The following ALDH1L1 variants were observed in gnomAD, a reference collection of about 807,000 sequenced individuals.
ALDH1L1 encodes the protein aldehyde dehydrogenase 1 family member L1.
In ALDH1L1, 68 loss-of-function variants were observed where a neutral mutation model predicts 101.1. The ratio of observed to expected loss-of-function variants is 0.67; its 90% confidence interval spans 0.55 to 0.82. ALDH1L1 has a LOEUF of 0.82. Among genes scored for constraint, ALDH1L1 ranks in the 40% least tolerant of loss-of-function variants. The pLI, the probability that ALDH1L1 is intolerant of heterozygous loss-of-function variation, is 0.00. For missense variants in ALDH1L1, 1,087 were observed against 1,172.7 expected, an observed-to-expected ratio of 0.93 and a Z score of 1.07; for synonymous variants, 486 against 470.8, an observed-to-expected ratio of 1.03 and a Z score of -0.42.
In ALDH1L1 at chr3:126,118,075, AG is replaced by A; in HGVS notation, c.1911del (p.Ser638GlnfsTer6). ...PGSGSLVGQRLSDHPDVRKIG... is the reference protein window; with the variant it reads ...PGSGSLVGQRXSDHPDVRKIG... ...ATTTTCCTCACATCAGGATGGTCTG[AG>A]AGTCTCTGGCCGACCAGGGAGCCTG... On this transcript the variant is annotated frameshift_variant, in exon 17 of 23. Transcript: ENST00000393434. LOFTEE classifies it high-confidence loss of function. The A allele has an allele frequency of 6.2e-7, 1 of 1,613,510 alleles. No homozygotes were observed. Among genetic ancestry groups the A allele is most frequent in the Non-Finnish European group, 8.5e-7 (1 of 1,179,734 alleles).
intron 12 of ALDH1L1, among the ~76,000 whole-genome samples, chr3:126,134,130 C>A (rs1040462698): frequency 1.3e-5 from 2 of 152,158 alleles, no homozygotes; most frequent in African/African-American, 4.8e-5. Flanking sequence ...TATCTGGGAG[C>A]TCCTGAACTG....
upstream of ALDH1L1, among the ~76,000 whole-genome samples, chr3:126,185,226 C>T (rs2081507170): frequency 6.6e-6 from 1 of 152,218 alleles, no homozygotes; most frequent in Non-Finnish European, 1.5e-5. Context: ...CAGCCCCATG[C>T]CAAATCTAAC....
chr3:126,159,110 G>A (rs939207503), intron 2 of ALDH1L1, among the ~76,000 whole-genome samples: 3 of 152,176 alleles, frequency 2.0e-5, no homozygotes, highest in Non-Finnish European at 4.4e-5. Context: ...TGTCCTGTGA[G>A]CCTCCCCCAG....
intron 12 of ALDH1L1, among the ~76,000 whole-genome samples, chr3:126,133,811 C>G (rs575472518): frequency 6.6e-6 from 1 of 152,204 alleles, no homozygotes; most frequent in Non-Finnish European, 1.5e-5. Flanking sequence ...GCAGCCTGGA[C>G]CACCGTCAGA....
rs2081036216 is a variant in ALDH1L1, at chr3:126,160,970, C to T, written c.10G>A (p.Ala4Thr). MKI[A>T]VIGQSLFGQE... The stretch of plus-strand genomic sequence containing the variant: ...CCAAACAGGCTCTGTCCAATCACTG[C>T]AATCTTCATGGTAGCAGGAGGGTTG... The change falls in exon 2 of 23, where the codon GCA becomes ACA. Residue 4 changes from alanine to threonine, a missense_variant. By Grantham distance (58) the Ala-to-Thr change is moderately conservative. This residue lies in a region of ALDH1L1 where 645 missense variants were observed against 637.0 expected (regional missense o/e 1.01). Coordinates refer to ENST00000393434, the MANE Select transcript of ALDH1L1 (RefSeq NM_012190.4). 2 of 1,614,214 alleles carry T rather than the reference C, an allele frequency of 1.2e-6. No individual in the cohort carries two copies. The highest frequency in any genetic ancestry group is 1.7e-6 in the Non-Finnish European group (2 of 1,180,032).
upstream of ALDH1L1, chr3:126,181,105 CGA>C (rs1576507227): frequency 8.8e-7 from 1 of 1,132,876 alleles, no homozygotes; most frequent in Non-Finnish European, 1.3e-6. Flanking sequence ...CCCGCCTCTC[CGA>C]GAGAAAAACA....
chr3:126,164,804 A>G (rs1414802995), intron 1 of ALDH1L1, among the ~76,000 whole-genome samples: 1 of 152,182 alleles, frequency 6.6e-6, no homozygotes, highest in African/African-American at 2.4e-5. Flanking sequence ...TTTCTTTAAG[A>G]AACTTCCACA....
chr3:126,181,122 C>A, upstream of ALDH1L1: 1 of 907,594 alleles, frequency 1.1e-6, no homozygotes, highest in South Asian at 1.5e-5. Context: ...AAAACAGCCC[C>A]TGGTTTTCTC....
In ALDH1L1 at chr3:126,158,413, GGCCGAGGCCCCTCGGT is replaced by G; in HGVS notation, c.338_353del (p.His113ProfsTer43). ...TTTTTGCCCCATCTCACCAGTTGAT[GGCCGAGGCCCCTCGGT>G]GCCTAGGGAGCAGTGACGGGTGATA... On this transcript the variant is annotated frameshift_variant, in exon 3 of 23. Coordinates refer to ENST00000393434, the MANE Select transcript of ALDH1L1 (RefSeq NM_012190.4). LOFTEE classifies it high-confidence loss of function. 1.9e-6 allele frequency: 3 copies of G among 1,592,418 alleles called. No individual in the cohort carries two copies. The highest frequency in any genetic ancestry group is 2.6e-6 in the Non-Finnish European group (3 of 1,166,106).
At chr3:126,170,824 A>G (rs1376132271) in intron 1 of ALDH1L1, among the ~76,000 whole-genome samples, 1 of 152,180 alleles carries the variant, frequency 6.6e-6, no homozygotes, top group African/African-American at 2.4e-5. Context: ...AAGCAGCCAG[A>G]AAGAGCAGAC....
intron 1 of ALDH1L1, among the ~76,000 whole-genome samples, chr3:126,167,250 A>G (rs1274098836): frequency 6.6e-6 from 1 of 152,174 alleles, no homozygotes; most frequent in African/African-American, 2.4e-5. Context: ...ACAAAACAAT[A>G]AGGAAAAAAG....
chr3:126,131,897 C>T (rs1242153780), intron 12 of ALDH1L1, among the ~76,000 whole-genome samples: 3 of 152,352 alleles, frequency 2.0e-5, no homozygotes, highest in African/African-American at 7.2e-5. Flanking sequence ...TTCCTGTCTT[C>T]GGAAAGCTTG....
At chr3:126,156,913 T>C (rs1005923049) in intron 4 of ALDH1L1, among the ~76,000 whole-genome samples, 1 of 152,234 alleles carries the variant, frequency 6.6e-6, no homozygotes, top group African/African-American at 2.4e-5. Context: ...ATAGTGGCTA[T>C]CTTTCCTCTA....
chr3:126,127,295 A>G (rs112645648), intron 14 of ALDH1L1, among the ~76,000 whole-genome samples: 3,140 of 152,242 alleles, frequency 0.021, 94 homozygotes, highest in African/African-American at 0.072. Context: ...GCTGCTGTGA[A>G]AACCGACTTT....
At chr3:126,192,910 A>G (rs2081560927) in intron 1 of ALDH1L1, among the ~76,000 whole-genome samples, 1 of 152,210 alleles carries the variant, frequency 6.6e-6, no homozygotes, top group Admixed American at 6.5e-5. Flanking sequence ...GAACAAATTT[A>G]TAGACAAAAA....
intron 12 of ALDH1L1, among the ~76,000 whole-genome samples, chr3:126,134,275 T>C (rs1432565904): frequency 2.7e-5 from 4 of 150,710 alleles, no homozygotes; most frequent in Non-Finnish European, 5.9e-5. Flanking sequence ...CTGCCCAGGG[T>C]GCCCCCCTCA....
At chr3:126,123,808 C>T (rs1457100557) in intron 16 of ALDH1L1, among the ~76,000 whole-genome samples, 1 of 151,078 alleles carries the variant, frequency 6.6e-6, no homozygotes, top group Non-Finnish European at 1.5e-5. Flanking sequence ...CCAATTTAAT[C>T]AACTTAAAAA....
chr3:126,124,666 A>C (rs1047496690), intron 15 of ALDH1L1, among the ~76,000 whole-genome samples: 1 of 152,146 alleles, frequency 6.6e-6, no homozygotes, highest in Non-Finnish European at 1.5e-5. Context: ...AGGGTGGGCC[A>C]ACATCTGGTG....
chr3:126,150,758 C>T, intron 7 of ALDH1L1: 1 of 398,310 alleles, frequency 2.5e-6, no homozygotes, highest in Non-Finnish European at 4.6e-6. Context: ...CGGGGTTTCA[C>T]CACATTGGTC....
Sources: gnomAD v4.1 joint callset for allele counts (sites outside exome capture counted in the v4.1 genomes callset) on GRCh38, gnomAD v4.1.1 for gene constraint, gnomAD v4.1.1 regional missense constraint, MANE v1.5 for transcripts, NCBI Gene and HGNC (gene_info 2026-07-23, HGNC 2026-07-21) for gene names.